Variants in VWA5B2 observed in about 807,000 individuals in gnomAD.
VWA5B2 encodes von Willebrand factor A domain-containing protein 5B2.
VWA5B2 carries 93 observed loss-of-function variants against 118.5 expected under a neutral mutation model. The observed-to-expected ratio is 0.79, with a 90% CI of 0.66 to 0.93. The LOEUF is 0.93. Among genes scored for constraint, VWA5B2 ranks in the 40% least tolerant of loss-of-function variants. VWA5B2 has a pLI of 0.00. For synonymous variants in VWA5B2, 708 were observed against 716.3 expected, an observed-to-expected ratio of 0.99 and a Z score of 0.19; for missense variants, 1,546 against 1,672.8, an observed-to-expected ratio of 0.92 and a Z score of 1.32.
chr3:184,230,456 C>T lies in VWA5B2; in HGVS notation c.-73C>T, dbSNP rs1717263275. On this transcript the variant is annotated 5_prime_UTR_variant, in exon 2 of 20. Coordinates refer to ENST00000691901, the MANE Select transcript of VWA5B2 (RefSeq NM_001390846.1). The stretch of plus-strand genomic sequence containing the variant: ...GAGACTCTCGCGCTGGCCTCTGGAG[C>T]GCGGGGTGGGCGTCCCGTCACCCTG... The T allele has an allele frequency of 1.5e-6, 2 of 1,369,890 alleles. No individual in the cohort carries two copies. Among genetic ancestry groups the T allele is most frequent in the Non-Finnish European group, 1.9e-6 (2 of 1,070,068 alleles). The allele number at this position is 1,369,890 out of a possible 1,614,324, so 84.9% of individuals were successfully genotyped here. A position where few individuals can be genotyped will look rare whatever the true frequency, so the allele number is the denominator to read the frequency against.
rs1265970927 is a variant in VWA5B2 at position 184,241,437 on chromosome 3, C to G, written c.3180+33C>G. 1.9e-6 allele frequency: 3 copies of G among 1,567,530 alleles called. No individual in the cohort carries two copies. The highest frequency in any genetic ancestry group is 2.6e-6 in the Non-Finnish European group (3 of 1,154,858). On this transcript the variant is annotated intron_variant, in intron 19 of 19. Coordinates refer to ENST00000691901, the MANE Select transcript of VWA5B2 (RefSeq NM_001390846.1). The surrounding 1 kb of genome is among the most constrained non-coding windows in gnomAD (Gnocchi z 5.1). ...CTCGGGAGGTGGAGGGTGGTGCCGC[C>G]GGGGCCGGGCGCTGTTTCAGCTCGC...
At chr3:184,234,930 G>T in intron 7 of VWA5B2, 175 bp downstream of exon 7, 1 of 1,147,214 alleles carries the variant, frequency 8.7e-7, no homozygotes, top group Non-Finnish European at 1.2e-6. Flanking sequence ...TTGGAGGGCC[G>T]ATGTGAATCT....
At position 184,234,368 on chromosome 3, in the gene VWA5B2, G is replaced by A. The variant is rs1036792197; in HGVS notation, c.791G>A (p.Arg264Gln). The A allele has an allele frequency of 1.6e-5, 25 of 1,551,654 alleles. No individual in the cohort carries two copies. Among genetic ancestry groups the A allele is most frequent in the Admixed American group, 9.8e-5 (5 of 50,990 alleles). Residue 264 changes from arginine to glutamine, a missense_variant, in exon 6 of 20, where the codon CGG becomes CAG. By Grantham distance (43) the Arg-to-Gln change is conservative. Coordinates refer to ENST00000691901, the MANE Select transcript of VWA5B2 (RefSeq NM_001390846.1). ...VTLAEGHHCD[R>Q]ALEILLHPSE... Reference sequence around the variant, plus strand: ...CTGGCAGAGGGCCACCACTGTGACCGGGCCTTGGAGATCCTGCTGCACCCC... The same window carrying A: ...CTGGCAGAGGGCCACCACTGTGACCAGGCCTTGGAGATCCTGCTGCACCCC...
At position 184,233,511 on chromosome 3, in the gene VWA5B2, C is replaced by T. The variant is rs1232398599; in HGVS notation, c.531-65C>T. ...GGGAAGGGTGAGGAAGGGCTGGGGCCAGTCAGCCGGAGGGTTTAGGGGCCT... is the reference window on the plus strand; with the variant it reads ...GGGAAGGGTGAGGAAGGGCTGGGGCTAGTCAGCCGGAGGGTTTAGGGGCCT... On this transcript the variant is annotated intron_variant, in intron 4 of 19. Transcript: ENST00000691901. The surrounding 1 kb of genome is among the most constrained non-coding windows in gnomAD (Gnocchi z 5.2). 2.6e-6 allele frequency: 4 copies of T among 1,519,798 alleles called. No homozygotes were observed. The highest frequency in any genetic ancestry group is 1.3e-5 in the South Asian group (1 of 78,602). The allele number at this position is 1,519,798 out of a possible 1,614,324, so 94.1% of individuals were successfully genotyped here.
At position 184,237,098 on chromosome 3, in the gene VWA5B2, C is replaced by A; in HGVS notation, c.1534-128C>A. 1 of 1,044,828 alleles carries A rather than the reference C, an allele frequency of 9.6e-7. No individual in the cohort carries two copies. The highest frequency in any genetic ancestry group is 1.4e-6 in the Non-Finnish European group (1 of 726,400). The allele number at this position is 1,044,828 out of a possible 1,614,324, so 64.7% of individuals were successfully genotyped here. A position where few individuals can be genotyped will look rare whatever the true frequency, so the allele number is the denominator to read the frequency against. ...CCCTCATTCCTTCTCCTGACCCCAG[C>A]CTGGCCCTGTGCCCCATCAGCTTAG... On this transcript the variant is annotated intron_variant, in intron 11 of 19. Coordinates refer to ENST00000691901, the MANE Select transcript of VWA5B2 (RefSeq NM_001390846.1). The surrounding 1 kb of genome is among the most constrained non-coding windows in gnomAD (Gnocchi z 5.6).
In VWA5B2 at chr3:184,239,465, C is replaced by T; in HGVS notation, c.2274C>T (p.Ser758=). ...RAALAGRSLS[S]PPGRANQVPG... Reference sequence around the variant, plus strand: ...CTCTGGCTGGCCGAAGCCTCTCATCCCCTCCAGGCCGGGCAAACCAAGTCC... The same window carrying T: ...CTCTGGCTGGCCGAAGCCTCTCATCTCCTCCAGGCCGGGCAAACCAAGTCC... Residue 758 remains serine, a synonymous_variant, in exon 15 of 20, where the codon TCC becomes TCT. Coordinates refer to ENST00000691901, the MANE Select transcript of VWA5B2 (RefSeq NM_001390846.1). The surrounding 1 kb of genome is among the most constrained non-coding windows in gnomAD (Gnocchi z 5.1). 6.5e-7 allele frequency: 1 copy of T among 1,550,192 alleles called. No homozygotes were observed. The highest frequency in any genetic ancestry group is 8.7e-7 in the Non-Finnish European group (1 of 1,146,554).
In VWA5B2 at chr3:184,242,191, C is replaced by T; in HGVS notation, c.*153C>T. On this transcript the variant is annotated 3_prime_UTR_variant, in exon 20 of 20. Transcript: ENST00000691901. ...CCTCCCTAGAGCCCTCTTGCCCCCA[C>T]AAAAAGTGCCTGCCTGTGCTCTCTC... 2.0e-6 allele frequency: 2 copies of T among 1,002,288 alleles called. No individual in the cohort carries two copies. Among genetic ancestry groups the T allele is most frequent in the Non-Finnish European group, 2.9e-6 (2 of 689,988 alleles). 62.1% of individuals were successfully genotyped at this position (1,002,288 alleles called of 1,614,324 possible).
Position 184,239,509 on chromosome 3 carries a change from C to G in VWA5B2, c.2318C>G (p.Pro773Arg). The G allele has an allele frequency of 6.5e-7, 1 of 1,549,950 alleles. No homozygotes were observed. Among genetic ancestry groups the G allele is most frequent in the Non-Finnish European group, 8.7e-7 (1 of 1,146,390 alleles). The change falls in exon 15 of 20, where the codon CCC becomes CGC. Residue 773 changes from proline (P) to arginine (R), a missense_variant. By Grantham distance (103) the Pro-to-Arg change is moderately radical (BLOSUM62 -2). This residue lies in a region of VWA5B2 where 763 missense variants were observed against 766.6 expected (regional missense o/e 1.00). Coordinates refer to ENST00000691901, the MANE Select transcript of VWA5B2 (RefSeq NM_001390846.1). This position sits in a 1 kb window ranked among gnomAD's most constrained non-coding sequence, Gnocchi z 5.1. ...ANQVPGRPRK[P>R]SLGAILDGPS... ...CAAGTCCCCGGCCGACCCCGGAAAC[C>G]CTCTTTGGGTGCAATACTAGATGGC...
chr3:184,236,741 C>A lies in VWA5B2; in HGVS notation c.1525C>A (p.Gln509Lys). The A allele has an allele frequency of 6.5e-7, 1 of 1,531,122 alleles. No homozygotes were observed. The highest frequency in any genetic ancestry group is 2.1e-5 in the Admixed American group (1 of 47,944). 94.8% of individuals were successfully genotyped at this position (1,531,122 alleles called of 1,614,324 possible). A position where few individuals can be genotyped will look rare whatever the true frequency, so the allele number is the denominator to read the frequency against. ...CTTCCTGAGGCCTGGGCAGAGGCTG[C>A]AGCCCATGGTGAGCTTGAGCCTGGG... Reference protein sequence around the residue: ...AYFLRPGQRLQPMLVQALRKA... With the variant: ...AYFLRPGQRLKPMLVQALRKA... The change falls in exon 11 of 20, where the codon CAG becomes AAG. Residue 509 changes from glutamine to lysine, a missense_variant. By Grantham distance (53) the Gln-to-Lys change is moderately conservative. Transcript: ENST00000691901.
In VWA5B2 at chr3:184,237,825, C is replaced by G. The variant is rs1278699543; in HGVS notation, c.1719+414C>G. On this transcript the variant is annotated intron_variant, in intron 12 of 19. Coordinates refer to ENST00000691901, the MANE Select transcript of VWA5B2 (RefSeq NM_001390846.1). This position sits in a 1 kb window ranked among gnomAD's most constrained non-coding sequence, Gnocchi z 5.6. ...ATAACCTAGGCACAATCTCTAATCC[C>G]AGCTCTGTCACTTACCAGCCATTTG... Among the ~76,000 whole-genome samples, 1 of 152,220 alleles carries G rather than the reference C, an allele frequency of 6.6e-6. No individual in the cohort carries two copies. Among genetic ancestry groups the G allele is most frequent in the Admixed American group, 6.5e-5 (1 of 15,284 alleles).
At position 184,237,322 on chromosome 3, in the gene VWA5B2, CG is replaced by C. The variant is rs767781554; in HGVS notation, c.1633del (p.Glu545ArgfsTer91). On this transcript the variant is annotated frameshift_variant, in exon 12 of 20. Coordinates refer to ENST00000691901, the MANE Select transcript of VWA5B2 (RefSeq NM_001390846.1). LOFTEE classifies it high-confidence loss of function. This position sits in a 1 kb window ranked among gnomAD's most constrained non-coding sequence, Gnocchi z 5.6. ...PDTVEALLTP[R>X]EIPALYPGDQ... ...CACTGTGGAGGCACTGCTGACCCCC[CG>C]GGAGATCCCAGCACTCTACCCTGGG... The C allele has an allele frequency of 1.2e-5, 18 of 1,551,316 alleles. No individual in the cohort carries two copies.
chr3:184,234,150 C>A (rs997282535), intron 5 of VWA5B2, 116 bp from the exon 6 acceptor site: 8 of 1,312,026 alleles, frequency 6.1e-6, no homozygotes, highest in Non-Finnish European at 8.3e-6. Flanking sequence ...TCCATCTGAC[C>A]CCATATAGAT....
Position 184,239,686 on chromosome 3 carries a change from C to T in VWA5B2, c.2393-3C>T, listed in dbSNP as rs1718359892. The stretch of plus-strand genomic sequence containing the variant: ...CCATGCCCCTGCTGTCTTGCCTCCC[C>T]AGGAAACCTGCTCTCCCCAGCCCCT... On this transcript the variant is annotated splice_polypyrimidine_tract_variant and splice_region_variant and intron_variant, in intron 15 of 19. Coordinates refer to ENST00000691901, the MANE Select transcript of VWA5B2 (RefSeq NM_001390846.1). The surrounding 1 kb of genome is among the most constrained non-coding windows in gnomAD (Gnocchi z 5.1). 1 of 1,465,904 alleles carries T rather than the reference C, an allele frequency of 6.8e-7. No homozygotes were observed. The highest frequency in any genetic ancestry group is 9.1e-7 in the Non-Finnish European group (1 of 1,102,368). 90.8% of individuals were successfully genotyped at this position (1,465,904 alleles called of 1,614,324 possible). A position where few individuals can be genotyped will look rare whatever the true frequency, so the allele number is the denominator to read the frequency against.
rs1428404205 is a variant in VWA5B2, at chr3:184,233,324, C to A, written c.457C>A (p.Pro153Thr). The A allele has an allele frequency of 1.3e-6, 2 of 1,537,288 alleles. No individual in the cohort carries two copies. The highest frequency in any genetic ancestry group is 1.2e-5 in the South Asian group (1 of 81,474). Reference sequence around the variant, plus strand: ...TGACGGGGTGCTGCATGTGGCCCTGCCCACTGTGCTCACCCCGCTGGCCCC... The same window carrying A: ...TGACGGGGTGCTGCATGTGGCCCTGACCACTGTGCTCACCCCGCTGGCCCC... ...RPDGVLHVAL[P>T]TVLTPLAPPG... The change falls in exon 4 of 20, where the codon CCC becomes ACC. Residue 153 changes from proline (P) to threonine (T), a missense_variant. This residue lies in a region of VWA5B2 where 775 missense variants were observed against 882.3 expected (regional missense o/e 0.88). Transcript: ENST00000691901. This position sits in a 1 kb window ranked among gnomAD's most constrained non-coding sequence, Gnocchi z 5.2.
rs1265520140 is a variant in VWA5B2, at chr3:184,237,316, A to AC, written c.1630dup (p.Arg544ProfsTer59). 4 of 1,550,484 alleles carry AC rather than the reference A, an allele frequency of 2.6e-6. No homozygotes were observed. The highest frequency in any genetic ancestry group is 3.5e-6 in the Non-Finnish European group (4 of 1,146,792). ...GCCCGACACTGTGGAGGCACTGCTG[A>AC]CCCCCCGGGAGATCCCAGCACTCTA... On this transcript the variant is annotated frameshift_variant, in exon 12 of 20. Coordinates refer to ENST00000691901, the MANE Select transcript of VWA5B2 (RefSeq NM_001390846.1). LOFTEE classifies it high-confidence loss of function. The surrounding 1 kb of genome is among the most constrained non-coding windows in gnomAD (Gnocchi z 5.6).
At chr3:184,236,004 A>C (rs1445882324) in intron 8 of VWA5B2, 148 bp from the exon 9 acceptor site, 38 of 710,664 alleles carry the variant, frequency 5.3e-5, no homozygotes, top group Non-Finnish European at 7.4e-5. Context: ...GCTCACTGGC[A>C]CACTTTCCCT....
rs184150406 is a variant in VWA5B2 at position 184,233,786 on chromosome 3, G to A, written c.688+53G>A. Reference sequence around the variant, plus strand: ...TTTTCAGATGCCCACTCCACCCAGTGTAGTGACTGGAAGGGAAATAAGGCT... The same window carrying A: ...TTTTCAGATGCCCACTCCACCCAGTATAGTGACTGGAAGGGAAATAAGGCT... On this transcript the variant is annotated intron_variant, in intron 5 of 19. Coordinates refer to ENST00000691901, the MANE Select transcript of VWA5B2 (RefSeq NM_001390846.1). This position sits in a 1 kb window ranked among gnomAD's most constrained non-coding sequence, Gnocchi z 5.2. The A allele has an allele frequency of 1.3e-6, 2 of 1,538,434 alleles. No homozygotes were observed. Among genetic ancestry groups the A allele is most frequent in the East Asian group, 2.4e-5 (1 of 40,888 alleles).
rs1717780045 is a variant in VWA5B2 at position 184,234,686 on chromosome 3, T to C, written c.876T>C (p.Tyr292=). 5 of 1,551,050 alleles carry C rather than the reference T, an allele frequency of 3.2e-6. No individual in the cohort carries two copies. Among genetic ancestry groups the C allele is most frequent in the Non-Finnish European group, 4.4e-6 (5 of 1,146,996 alleles). ...LEGGSLSSAE[Y]EARVRARRDF... is the part of the protein sequence containing the mutation. ...GCGGCAGCCTGAGCTCAGCAGAATA[T>C]GAGGCCCGGGTGAGGGCCCGCCGAG... The change falls in exon 7 of 20, where the codon TAT becomes TAC. Residue 292 remains tyrosine, a synonymous_variant. Coordinates refer to ENST00000691901, the MANE Select transcript of VWA5B2 (RefSeq NM_001390846.1).
Position 184,233,633 on chromosome 3 carries a change from G to A in VWA5B2, c.588G>A (p.Glu196=), listed in dbSNP as rs1429214956. The A allele has an allele frequency of 6.4e-7, 1 of 1,551,284 alleles. No homozygotes were observed. The highest frequency in any genetic ancestry group is 2.0e-5 in the Admixed American group (1 of 50,994). ...AGGAGGAAGGGCTGGCCTGGGAGGA[G>A]CTGGCTGCCCCTCGGGACGTGTTCT... ...SLQEEGLAWE[E]LAAPRDVFSG... The change falls in exon 5 of 20, where the codon GAG becomes GAA. Residue 196 remains glutamate (E), a synonymous_variant. Coordinates refer to ENST00000691901, the MANE Select transcript of VWA5B2 (RefSeq NM_001390846.1). This position sits in a 1 kb window ranked among gnomAD's most constrained non-coding sequence, Gnocchi z 5.2.
Sources: gnomAD v4.1 joint callset for allele counts (sites outside exome capture counted in the v4.1 genomes callset) on GRCh38, gnomAD v4.1.1 for gene constraint, gnomAD v4.1.1 regional missense constraint, Gnocchi (gnomAD v3.1) non-coding constraint, MANE v1.5 for transcripts, NCBI Gene and HGNC (gene_info 2026-07-23, HGNC 2026-07-21) for gene names.